The following ADCY2 variants were observed in gnomAD, a reference collection of about 807,000 sequenced individuals.
ADCY2 encodes the protein adenylate cyclase 2.
In ADCY2, 31 loss-of-function variants were observed where a neutral mutation model predicts 125.2. That is an observed-to-expected ratio of 0.25 (90% CI 0.19 to 0.33). The LOEUF is 0.33. Ranked by LOEUF, ADCY2 falls within the 10% of genes least tolerant of loss-of-function variation. The pLI is 1.00. For missense variants in ADCY2, 904 were observed against 1,418.2 expected, an observed-to-expected ratio of 0.64 and a Z score of 5.82; for synonymous variants, 512 against 548.4, an observed-to-expected ratio of 0.93 and a Z score of 0.93.
chr5:7,514,046 A>G (rs1744171260), intron 2 of ADCY2, among the ~76,000 whole-genome samples: 1 of 152,160 alleles, frequency 6.6e-6, no homozygotes. Flanking sequence ...CATTCCAGGG[A>G]AGAATGCAAC....
intron 12 of ADCY2, among the ~76,000 whole-genome samples, chr5:7,718,440 G>A (rs759176209): frequency 1.3e-5 from 2 of 152,094 alleles, no homozygotes; most frequent in East Asian, 1.9e-4. Context: ...GAGCCACCAC[G>A]CCCGGCCTTA....
intron 15 of ADCY2, among the ~76,000 whole-genome samples, chr5:7,751,139 A>T (rs1301931969): frequency 6.6e-6 from 1 of 152,098 alleles, no homozygotes; most frequent in East Asian, 1.9e-4. Context: ...TTTAGTTTTT[A>T]ATTTCAATAT....
chr5:7,589,440 GA>G (rs1209329868), intron 3 of ADCY2, among the ~76,000 whole-genome samples: 1 of 105,820 alleles, frequency 9.5e-6, no homozygotes, highest in Non-Finnish European at 2.0e-5. Flanking sequence ...GGGATAGAAA[GA>G]AAGAAAGAAG....
At chr5:7,397,536 A>G (rs1246437820) in intron 1 of ADCY2, among the ~76,000 whole-genome samples, 1 of 142,578 alleles carries the variant, frequency 7.0e-6, no homozygotes, top group Admixed American at 7.6e-5. Flanking sequence ...GAATATAAAT[A>G]TGTGCCTATA....
chr5:7,655,543 C>A (rs147006143), intron 4 of ADCY2, among the ~76,000 whole-genome samples: 145 of 152,290 alleles, frequency 9.5e-4, no homozygotes, highest in Middle Eastern at 3.4e-3. Context: ...CTTCCTCCAC[C>A]TTTTGTTCTC....
rs185276828 is a variant in ADCY2 at position 7,811,971 on chromosome 5, C to A, written c.2884-4895C>A. Among the ~76,000 whole-genome samples, 372 of 152,322 alleles carry A rather than the reference C, an allele frequency of 2.4e-3. 1 individual carries two copies. The highest frequency in any genetic ancestry group is 8.2e-3 in the African/African-American group (340 of 41,558). ...CCAAGTTCCAGGTACATGCTGGTGA[C>A]TGCTCACAGAGTTTTACAGTCTGGG... On this transcript the variant is annotated intron_variant, in intron 22 of 24. Coordinates refer to ENST00000338316, the MANE Select transcript of ADCY2 (RefSeq NM_020546.3).
intron 22 of ADCY2, among the ~76,000 whole-genome samples, chr5:7,815,351 G>T (rs1017179441): frequency 1.3e-5 from 2 of 152,126 alleles, no homozygotes; most frequent in African/African-American, 2.4e-5. Flanking sequence ...GTGCTAACAC[G>T]GACATCCATT....
At chr5:7,698,404 T>C (rs1436199300) in intron 7 of ADCY2, 30 bp downstream of exon 7, 1 of 1,612,536 alleles carries the variant, frequency 6.2e-7, no homozygotes, top group South Asian at 1.1e-5. Flanking sequence ...AGCATTTTGT[T>C]ATATGCTTTA....
At chr5:7,654,280 G>A (rs1739241131) in intron 4 of ADCY2, 1 of 383,708 alleles carries the variant, frequency 2.6e-6, no homozygotes. Flanking sequence ...CTAACAAGAG[G>A]AGCTCTGGTG....
At chr5:7,798,773 G>T (rs1427573650) in intron 20 of ADCY2, 1 of 151,950 alleles carries the variant, frequency 6.6e-6, no homozygotes, top group Admixed American at 6.6e-5. Context: ...TAGAGACGGG[G>T]TTTCACCATG....
chr5:7,698,206 A>G, intron 6 of ADCY2, 41 bp from the exon 7 acceptor site: 1 of 1,611,380 alleles, frequency 6.2e-7, no homozygotes, highest in Non-Finnish European at 8.5e-7. Flanking sequence ...TCATTCTGCA[A>G]GTGCTTAATG....
chr5:7,484,089 A>AATCCATC (rs1742836007), intron 2 of ADCY2, among the ~76,000 whole-genome samples: 1 of 152,232 alleles, frequency 6.6e-6, no homozygotes, highest in African/African-American at 2.4e-5. Flanking sequence ...TATTTACTTT[A>AATCCATC]ATCCATCTGT....
intron 3 of ADCY2, among the ~76,000 whole-genome samples, chr5:7,588,148 AT>A (rs776620405): frequency 1.3e-5 from 2 of 151,934 alleles, no homozygotes; most frequent in Admixed American, 6.5e-5. Context: ...TATTTCAGTA[AT>A]ATGGTTATAA....
intron 16 of ADCY2, among the ~76,000 whole-genome samples, chr5:7,761,148 C>CTTTTCTTT (rs747191915): frequency 1.1e-5 from 1 of 88,176 alleles, no homozygotes; most frequent in African/African-American, 4.6e-5. Context: ...CTTTTCTTTT[C>CTTTTCTTT]TTTTTTTTTT....
Position 7,479,629 on chromosome 5 carries a change from TA to T in ADCY2, c.409-41105del, listed in dbSNP as rs373438347. On this transcript the variant is annotated intron_variant, in intron 2 of 24. Coordinates refer to ENST00000338316, the MANE Select transcript of ADCY2 (RefSeq NM_020546.3). Reference sequence around the variant, plus strand: ...TTATAGTTATTTTAAAATGTACAATTAAAATTTTTTTTTTTTACTATAGTCA... The same window carrying T: ...TTATAGTTATTTTAAAATGTACAATTAAATTTTTTTTTTTTACTATAGTCA... Among the ~76,000 whole-genome samples the T allele has an allele frequency of 4.3e-3, 425 of 99,582 alleles. 1 individual carries two copies. Among genetic ancestry groups the T allele is most frequent in the Non-Finnish European group, 7.7e-3 (346 of 44,964 alleles). The allele number at this position is 99,582 out of a possible 152,430, so 65.3% of individuals were successfully genotyped here.
chr5:7,413,071 C>G (rs757599469), intron 1 of ADCY2, among the ~76,000 whole-genome samples: 3 of 152,142 alleles, frequency 2.0e-5, no homozygotes, highest in Non-Finnish European at 2.9e-5. Flanking sequence ...CTGGCTTTTT[C>G]CCTCCTTGGG....
At chr5:7,467,320 A>T (rs567984317) in intron 2 of ADCY2, among the ~76,000 whole-genome samples, 125 of 152,244 alleles carry the variant, frequency 8.2e-4, no homozygotes, top group South Asian at 1.7e-3. Context: ...TTTTTATCCA[A>T]GCTCCCTCTT....
At chr5:7,556,757 A>G (rs1735518741) in intron 3 of ADCY2, among the ~76,000 whole-genome samples, 1 of 152,110 alleles carries the variant, frequency 6.6e-6, no homozygotes, top group Non-Finnish European at 1.5e-5. Flanking sequence ...AATTCTCATA[A>G]GAGCGGGAAC....
intron 7 of ADCY2, 76 bp downstream of exon 7, chr5:7,698,450 T>C: frequency 1.3e-6 from 2 of 1,488,076 alleles, no homozygotes; most frequent in Non-Finnish European, 1.9e-6. Flanking sequence ...TGCAGGTTTG[T>C]TACATAGGTA....
Sources: allele counts gnomAD v4.1 joint callset (sites outside exome capture counted in the v4.1 genomes callset), GRCh38; gene constraint gnomAD v4.1.1; transcripts MANE v1.5; gene names NCBI Gene and HGNC (gene_info 2026-07-23, HGNC 2026-07-21).